The following PGM1 variants were observed in gnomAD, a reference collection of about 807,000 sequenced individuals.
The protein encoded by PGM1 is phosphoglucomutase-1.
Under a neutral mutation model 55.6 loss-of-function variants are expected in PGM1, and 52 were observed. The observed-to-expected ratio is 0.94, with a 90% CI of 0.75 to 1.18. The LOEUF (loss-of-function observed/expected upper bound fraction) is 1.18. Ranked by LOEUF, PGM1 falls within the 50% of genes most tolerant of loss-of-function variation. The pLI, the probability that PGM1 is intolerant of heterozygous loss-of-function variation, is 0.00. For missense variants in PGM1, 724 were observed against 729.3 expected, an observed-to-expected ratio of 0.99 and a Z score of 0.08; for synonymous variants, 287 against 271.7, an observed-to-expected ratio of 1.06 and a Z score of -0.55.
chr1:63,595,138 C>T (rs1027436588), intron 1 of PGM1, among the ~76,000 whole-genome samples: 7 of 152,080 alleles, frequency 4.6e-5, no homozygotes, highest in Non-Finnish European at 7.4e-5. Flanking sequence ...TATTTTTATT[C>T]ATTTTAATAG....
At chr1:63,636,534 A>G in intron 6 of PGM1, 146 bp downstream of exon 6, 2 of 927,654 alleles carry the variant, frequency 2.2e-6, no homozygotes, top group Non-Finnish European at 3.5e-6. Context: ...GTGTGAGGGG[A>G]TGGTTGGCTT....
chr1:63,644,841 A>T (rs1649609912), intron 7 of PGM1, among the ~76,000 whole-genome samples: 1 of 152,240 alleles, frequency 6.6e-6, no homozygotes. Context: ...ATCAAGCTTT[A>T]TCTGCTGAGC....
At chr1:63,645,767 T>A (rs1181422540) in intron 7 of PGM1, among the ~76,000 whole-genome samples, 1 of 152,208 alleles carries the variant, frequency 6.6e-6, no homozygotes, top group Non-Finnish European at 1.5e-5. Context: ...AAAGTCATGT[T>A]TTTTTAAGAA....
intron 8 of PGM1, among the ~76,000 whole-genome samples, chr1:63,650,618 C>T (rs1465858498): frequency 6.6e-6 from 1 of 152,126 alleles, no homozygotes; most frequent in Non-Finnish European, 1.5e-5. Context: ...TTCACGATTA[C>T]AAATAAATAT....
chr1:63,645,192 C>A (rs140241938), intron 7 of PGM1, among the ~76,000 whole-genome samples: 1 of 152,250 alleles, frequency 6.6e-6, no homozygotes, highest in East Asian at 1.9e-4. Flanking sequence ...TTACCCAGGG[C>A]AGGTATTTTG....
At chr1:63,600,177 C>T (rs1420417622) in intron 1 of PGM1, 2 of 152,190 alleles carry the variant, frequency 1.3e-5, no homozygotes, top group Non-Finnish European at 2.9e-5. Context: ...TAGAGCCGGA[C>T]ACTTAGTCAC....
chr1:63,617,966 G>A (rs1570483784), intron 1 of PGM1, among the ~76,000 whole-genome samples: 1 of 151,840 alleles, frequency 6.6e-6, no homozygotes, highest in Middle Eastern at 3.4e-3. Context: ...AAAATTCCTT[G>A]TCTAATAAGG....
rs1303858553 is a variant in PGM1, at chr1:63,630,106, C to T, written c.556+18C>T. 1 of 1,611,992 alleles carries T rather than the reference C, an allele frequency of 6.2e-7. No homozygotes were observed. The highest frequency in any genetic ancestry group is 2.2e-5 in the East Asian group (1 of 44,866). ...CTTCACAGGCATGTTTACTTTCCTC[C>T]TCTTTCTGCCCACTCCTATTTCCAA... On this transcript the variant is annotated intron_variant, in intron 3 of 10. Coordinates refer to ENST00000371084, the MANE Select transcript of PGM1 (RefSeq NM_002633.3).
At chr1:63,623,963 T>TAA (rs995486803) in intron 1 of PGM1, among the ~76,000 whole-genome samples, 36 of 152,222 alleles carry the variant, frequency 2.4e-4, no homozygotes, top group Non-Finnish European at 7.3e-5. Flanking sequence ...ACAGGAATGT[T>TAA]AAGTTCAGCT....
At chr1:63,633,652 T>G (rs855308) in intron 4 of PGM1, among the ~76,000 whole-genome samples, 65,728 of 151,578 alleles carry the variant, frequency 0.43, 15,517 homozygotes, top group African/African-American at 0.62. Context: ...GTTGTTTGTT[T>G]TTGGTGGTGG....
chr1:63,629,321 A>G, intron 1 of PGM1, 104 bp from the exon 2 acceptor site: 2 of 914,850 alleles, frequency 2.2e-6, no homozygotes, highest in Non-Finnish European at 3.7e-6. Context: ...ACAGATTATT[A>G]CTATTATTTT....
At chr1:63,653,224 A>G (rs1438589379) in intron 9 of PGM1, among the ~76,000 whole-genome samples, 1 of 152,220 alleles carries the variant, frequency 6.6e-6, no homozygotes, top group Non-Finnish European at 1.5e-5. Context: ...GATAGGAGGG[A>G]AAAATATGAT....
chr1:63,603,150 A>T (rs1326664532), intron 1 of PGM1, among the ~76,000 whole-genome samples: 1 of 152,142 alleles, frequency 6.6e-6, no homozygotes, highest in African/African-American at 2.4e-5. Context: ...AATGTACCTC[A>T]TGTTTTCTAT....
intron 6 of PGM1, among the ~76,000 whole-genome samples, chr1:63,636,843 A>G (rs1027804891): frequency 2.0e-5 from 3 of 152,240 alleles, no homozygotes; most frequent in African/African-American, 4.8e-5. Context: ...CTGGAGGATC[A>G]CTTTTCTTTT....
chr1:63,617,210 C>G (rs1465765242), intron 1 of PGM1, among the ~76,000 whole-genome samples: 1 of 152,192 alleles, frequency 6.6e-6, no homozygotes, highest in African/African-American at 2.4e-5. Flanking sequence ...AGGAAGTGTT[C>G]TCTCTTCCTT....
chr1:63,631,330 C>G (rs1163555552), intron 3 of PGM1, among the ~76,000 whole-genome samples: 2 of 152,194 alleles, frequency 1.3e-5, no homozygotes, highest in East Asian at 1.9e-4. Context: ...GGTGGCATAG[C>G]AGAATTTATA....
At chr1:63,635,283 G>A (rs1649334343) in intron 5 of PGM1, among the ~76,000 whole-genome samples, 1 of 152,134 alleles carries the variant, frequency 6.6e-6, no homozygotes, top group African/African-American at 2.4e-5. Flanking sequence ...TAGAATGACT[G>A]GTATTTCCTG....
intron 1 of PGM1, among the ~76,000 whole-genome samples, chr1:63,624,417 A>G (rs1257779979): frequency 6.6e-6 from 1 of 152,152 alleles, no homozygotes; most frequent in African/African-American, 2.4e-5. Context: ...GCTCTGCTAA[A>G]CCTCTGCATC....
chr1:63,641,819 G>A (rs889758173), intron 7 of PGM1, among the ~76,000 whole-genome samples: 6 of 152,252 alleles, frequency 3.9e-5, no homozygotes, highest in South Asian at 2.1e-4. Flanking sequence ...CGAGCCTCCC[G>A]TAGAGCCCAG....
Sources: allele counts gnomAD v4.1 joint callset (sites outside exome capture counted in the v4.1 genomes callset), GRCh38; gene constraint gnomAD v4.1.1; transcripts MANE v1.5; gene names NCBI Gene and HGNC (gene_info 2026-07-23, HGNC 2026-07-21).